SCHIP1: variants seen among roughly 807,000 people sequenced by gnomAD.
SCHIP1 encodes schwannomin interacting protein 1.
A neutral mutation model predicts 29.7 loss-of-function variants in SCHIP1; 8 were observed. The ratio of observed to expected loss-of-function variants is 0.27; its 90% CI spans 0.16 to 0.49. The LOEUF is 0.49. Among genes scored for constraint, SCHIP1 ranks in the 20% least tolerant of loss-of-function variants. The pLI is 0.99. For synonymous variants in SCHIP1, 76 were observed against 94.9 expected, an observed-to-expected ratio of 0.80 and a Z score of 1.16; for missense variants, 193 against 294.6, an observed-to-expected ratio of 0.66 and a Z score of 2.52.
chr3:159,671,571 A>G, the SCHIP1 span, among the ~76,000 whole-genome samples: 2 of 152,198 alleles, frequency 1.3e-5, no homozygotes, highest in African/African-American at 2.4e-5. Flanking sequence ...AGTCTTCTCT[A>G]TGTGAACCAT....
the SCHIP1 span, among the ~76,000 whole-genome samples, chr3:159,602,286 T>C: frequency 5.9e-5 from 9 of 152,230 alleles, no homozygotes; most frequent in Non-Finnish European, 1.3e-4. Flanking sequence ...TCTAGTGTTC[T>C]CTCCTAGATG....
At chr3:159,306,584 C>T in the SCHIP1 span, 2 of 922,204 alleles carry the variant, frequency 2.2e-6, no homozygotes, top group African/African-American at 1.8e-5. Flanking sequence ...ATGCTATTTT[C>T]CTTTATGAAA....
the SCHIP1 span, among the ~76,000 whole-genome samples, chr3:159,834,797 T>G: frequency 6.6e-6 from 1 of 152,180 alleles, no homozygotes; most frequent in Non-Finnish European, 1.5e-5. Context: ...TTGTATAAAA[T>G]TACCTTCAGG....
At chr3:159,618,838 T>G in the SCHIP1 span, among the ~76,000 whole-genome samples, 1 of 152,320 alleles carries the variant, frequency 6.6e-6, no homozygotes, top group African/African-American at 2.4e-5. Context: ...GATGGGAGTG[T>G]GGGGGCCTGC....
chr3:159,277,651 G>C, the SCHIP1 span, among the ~76,000 whole-genome samples: 1 of 144,706 alleles, frequency 6.9e-6, no homozygotes, highest in African/African-American at 2.4e-5. Flanking sequence ...GGCTGGTGCA[G>C]TGGCTCACGA....
chr3:159,692,790 T>C, the SCHIP1 span, among the ~76,000 whole-genome samples: 1 of 152,172 alleles, frequency 6.6e-6, no homozygotes, highest in Non-Finnish European at 1.5e-5. Flanking sequence ...TTTCAAAATA[T>C]TATTCTGCTG....
the SCHIP1 span, among the ~76,000 whole-genome samples, chr3:159,669,085 G>A: frequency 4.6e-5 from 7 of 152,080 alleles, no homozygotes; most frequent in Non-Finnish European, 1.0e-4. Flanking sequence ...AGCCATGCCC[G>A]AACTCCAGCT....
At chr3:159,471,654 A>C in the SCHIP1 span, among the ~76,000 whole-genome samples, 1 of 152,164 alleles carries the variant, frequency 6.6e-6, no homozygotes, top group African/African-American at 2.4e-5. Flanking sequence ...AACTGCAAAA[A>C]GAGCTATGTT....
At chr3:159,694,641 A>G in the SCHIP1 span, among the ~76,000 whole-genome samples, 16 of 152,364 alleles carry the variant, frequency 1.1e-4, no homozygotes, top group South Asian at 3.3e-3. Context: ...TTTAAAAAGT[A>G]AAGGATTGCA....
upstream of SCHIP1, among the ~76,000 whole-genome samples, chr3:159,838,376 T>A (rs2109001759): frequency 6.6e-6 from 1 of 152,334 alleles, no homozygotes; most frequent in Admixed American, 6.5e-5. Context: ...ATTCCATTTC[T>A]CATGCAAAAA....
chr3:159,405,674 C>T, the SCHIP1 span, among the ~76,000 whole-genome samples: 7 of 151,690 alleles, frequency 4.6e-5, no homozygotes, highest in East Asian at 7.8e-4. Flanking sequence ...GTTAGGAGTT[C>T]GAGACCAGCC....
exon 1 of SCHIP1, chr3:159,839,904 T>G: frequency 5.0e-6 from 7 of 1,398,144 alleles, no homozygotes; most frequent in Non-Finnish European, 6.5e-6. Context: ...GTGCGGGTGA[T>G]GAGCGCCCCC....
chr3:159,749,405 C>G, the SCHIP1 span, among the ~76,000 whole-genome samples: 9 of 151,790 alleles, frequency 5.9e-5, no homozygotes, highest in East Asian at 1.7e-3. Flanking sequence ...TTTCCTACTT[C>G]CAAAATAAGA....
chr3:159,425,762 C>A, the SCHIP1 span, among the ~76,000 whole-genome samples: 1 of 152,218 alleles, frequency 6.6e-6, no homozygotes, highest in African/African-American at 2.4e-5. Flanking sequence ...CCACACCACA[C>A]CTATTCCAAA....
chr3:159,357,371 G>A, the SCHIP1 span, among the ~76,000 whole-genome samples: 15 of 152,156 alleles, frequency 9.9e-5, no homozygotes, highest in African/African-American at 3.6e-4. Flanking sequence ...ATTCTTTGGT[G>A]ATATGTATCT....
the SCHIP1 span, among the ~76,000 whole-genome samples, chr3:159,380,005 G>A: frequency 2.0e-5 from 3 of 152,152 alleles, no homozygotes; most frequent in Admixed American, 6.5e-5. Flanking sequence ...GCCCTAGTTC[G>A]ATGCCTAAGA....
the SCHIP1 span, among the ~76,000 whole-genome samples, chr3:159,820,499 A>G: frequency 6.6e-6 from 1 of 152,338 alleles, no homozygotes; most frequent in East Asian, 1.9e-4. Context: ...AAATGAGTTT[A>G]TCAATATGGT....
chr3:159,337,168 A>G, the SCHIP1 span, among the ~76,000 whole-genome samples: 160 of 152,274 alleles, frequency 1.1e-3, 1 homozygote, highest in Non-Finnish European at 6.0e-4. Context: ...AAAAACTCTC[A>G]ATAAATTAGG....
the SCHIP1 span, among the ~76,000 whole-genome samples, chr3:159,571,062 A>G: frequency 2.0e-5 from 3 of 152,144 alleles, no homozygotes; most frequent in African/African-American, 4.8e-5. Flanking sequence ...GGGTTTTCTA[A>G]ATATACAATC....
Sources: allele counts gnomAD v4.1 joint callset (sites outside exome capture counted in the v4.1 genomes callset), GRCh38; gene constraint gnomAD v4.1.1; transcripts MANE v1.5; gene names NCBI Gene and HGNC (gene_info 2026-07-23, HGNC 2026-07-21).